The following DOK7 variants were observed in gnomAD, a reference collection of about 807,000 sequenced individuals.
DOK7 encodes the protein protein Dok-7.
In DOK7, 32 loss-of-function variants were observed where a neutral mutation model predicts 30.7. The ratio of observed to expected loss-of-function variants is 1.04; its 90% confidence interval spans 0.79 to 1.40. The LOEUF (loss-of-function observed/expected upper bound fraction) is 1.40, where lower values mean the gene tolerates loss of function less well. Among genes scored for constraint, DOK7 ranks in the 40% most tolerant of loss-of-function variants. The pLI is 0.00. For synonymous variants in DOK7, 447 were observed against 324.1 expected (o/e 1.38, Z -4.07); for missense variants, 1,007 against 699.2 (o/e 1.44, Z -4.97).
In DOK7 at chr4:3,491,000, CCTT is replaced by C. The variant is rs531958353; in HGVS notation, c.772+1212_772+1214del. ...TTTCCCTCCTGCTCATTCATTCCTT[CCTT>C]CTTCTTCCTGCTCATTCATTCCTTC... is the stretch of plus-strand genomic sequence containing the variant. On this transcript the variant is annotated intron_variant, in intron 6 of 6. Coordinates refer to ENST00000340083, the MANE Select transcript of DOK7 (RefSeq NM_173660.5). 5.1e-3 allele frequency among the ~76,000 whole-genome samples: 477 copies of C among 94,134 alleles called. 6 individuals are homozygous for C. The highest frequency in any genetic ancestry group is 0.014 in the African/African-American group (400 of 27,602). The allele number at this position is 94,134 out of a possible 152,430, so 61.8% of individuals were successfully genotyped here.
At chr4:3,478,496 A>AGGCTGACCCCACAGAACCTGCAAATGGG (rs1727245226) in intron 4 of DOK7, among the ~76,000 whole-genome samples, 3 of 139,902 alleles carry the variant, frequency 2.1e-5, no homozygotes, top group African/African-American at 8.2e-5. Context: ...CCTGCAAACC[A>AGGCTGACCCCACAGAACCTGCAAATGGG]GGCTGGCCCC....
At chr4:3,482,912 C>A (rs1215649633) in intron 4 of DOK7, among the ~76,000 whole-genome samples, 3 of 152,092 alleles carry the variant, frequency 2.0e-5, no homozygotes, top group Non-Finnish European at 4.4e-5. Flanking sequence ...GCAGGTGGGG[C>A]TGAACCCCAG....
Position 3,499,887 on chromosome 4 carries a change from C to T in DOK7, c.1109-364C>T, listed in dbSNP as rs539376878. On this transcript the variant is annotated intron_variant, in intron 6 of 7. Coordinates refer to the DOK7 transcript ENST00000643608. ...AGGTGCTGGGACAGCCAAGGAGGGG[C>T]GGTTGGTGGAGAGAGTTGGGAAGGT... 7.5e-5 allele frequency among the ~76,000 whole-genome samples: 11 copies of T among 146,896 alleles called. No individual in the cohort carries two copies. The South Asian group carries it at 1.5e-3, about 20-fold the overall frequency.
At chr4:3,496,463 C>T (rs757909751), downstream of DOK7, among the ~76,000 whole-genome samples, 6 of 152,242 alleles carry the variant, frequency 3.9e-5, no homozygotes, top group Admixed American at 1.3e-4. Flanking sequence ...CTTGCATGGG[C>T]GTGGTACTCC....
intron 2 of DOK7, among the ~76,000 whole-genome samples, chr4:3,468,318 CTGTG>C (rs752305267): frequency 1.5e-5 from 2 of 137,716 alleles, no homozygotes; most frequent in African/African-American, 5.7e-5. Flanking sequence ...GTGTGAATAC[CTGTG>C]TGTGCGAGTG....
intron 5 of DOK7, among the ~76,000 whole-genome samples, chr4:3,487,388 GC>G (rs1268365027): frequency 6.6e-6 from 1 of 152,234 alleles, no homozygotes; most frequent in Non-Finnish European, 1.5e-5. Context: ...CCACAATAGA[GC>G]CCTGCGGGCG....
rs1458938692 is a variant in DOK7 at position 3,493,293 on chromosome 4, G to C, written c.1307G>C (p.Gly436Ala). Residue 436 changes from glycine to alanine, a missense_variant, in exon 7 of 7, where the codon GGC becomes GCC. Transcript: ENST00000340083. ...AACAGTGCGGCCAGGGACTCAGGCG[G>C]CCAGACGTCCGCCGGGTGTCCCTCT... ...PGNSAARDSGGQTSAGCPSGW... is the reference protein window; with the variant it reads ...PGNSAARDSGAQTSAGCPSGW... 1 of 1,608,178 alleles carries C rather than the reference G, an allele frequency of 6.2e-7. No individual in the cohort carries two copies. Among genetic ancestry groups the C allele is most frequent in the Non-Finnish European group, 8.5e-7 (1 of 1,177,908 alleles).
At chr4:3,486,755 A>G (rs1169014576) in intron 5 of DOK7, among the ~76,000 whole-genome samples, 1 of 145,958 alleles carries the variant, frequency 6.9e-6, no homozygotes, top group Non-Finnish European at 1.5e-5. Flanking sequence ...CTTCCTGCCT[A>G]GCGGCTGCAG....
rs2109418322 is a variant in DOK7 at position 3,493,016 on chromosome 4, A to G, written c.1030A>G (p.Ser344Gly). The change falls in exon 7 of 7, where the codon AGC becomes GGC. Residue 344 changes from serine to glycine, a missense_variant. Transcript: ENST00000340083. ...CTCGGACAGCGGCATCGCCACTGGC[A>G]GCCACTCCTCTTACTCCAGCAGCCT... ...SSSDSGIATG[S>G]HSSYSSSLSS... is the part of the protein sequence containing the mutation. The G allele has an allele frequency of 1.9e-6, 3 of 1,567,468 alleles. No homozygotes were observed. Among genetic ancestry groups the G allele is most frequent in the Non-Finnish European group, 2.6e-6 (3 of 1,161,356 alleles).
In DOK7 at chr4:3,463,359, C is replaced by T; in HGVS notation, c.-17C>T. On this transcript the variant is annotated 5_prime_UTR_variant, in exon 1 of 7. Transcript: ENST00000340083. The stretch of plus-strand genomic sequence containing the variant: ...GGGCGCCGGGGCGAGCGCGGCGGCG[C>T]GGAACCATGACAGAAGATGACCGAG... 6.8e-7 allele frequency: 1 copy of T among 1,462,546 alleles called. No individual in the cohort carries two copies. Among genetic ancestry groups the T allele is most frequent in the African/African-American group, 1.5e-5 (1 of 67,256 alleles). 90.6% of individuals were successfully genotyped at this position (1,462,546 alleles called of 1,614,324 possible). A position where few individuals can be genotyped will look rare whatever the true frequency, so the allele number is the denominator to read the frequency against.
intron 6 of DOK7, among the ~76,000 whole-genome samples, chr4:3,490,816 C>T (rs2464043): frequency 0.14 from 7,832 of 57,548 alleles, 573 homozygotes; most frequent in Admixed American, 0.25. Flanking sequence ...CCCGCTCATT[C>T]ATTCCTGCCT....
Position 3,494,049 on chromosome 4 carries a change from G to A in DOK7, c.*548G>A. On this transcript the variant is annotated 3_prime_UTR_variant, in exon 7 of 7. Coordinates refer to ENST00000340083, the MANE Select transcript of DOK7 (RefSeq NM_173660.5). The stretch of plus-strand genomic sequence containing the variant: ...TCCCCATCTATGGGAGGAAACTGAA[G>A]CTCAGGAGGCTGTGTGGCTTGCGGG... The A allele has an allele frequency of 2.0e-6, 2 of 987,668 alleles. No individual in the cohort carries two copies. The highest frequency in any genetic ancestry group is 2.4e-6 in the Non-Finnish European group (2 of 831,578). The allele number at this position is 987,668 out of a possible 1,614,324, so 61.2% of individuals were successfully genotyped here.
At chr4:3,490,184 CCCCACTCATTCCTT>C in intron 6 of DOK7, among the ~76,000 whole-genome samples, 1 of 86,924 alleles carries the variant, frequency 1.2e-5, no homozygotes, top group African/African-American at 5.6e-5. Context: ...CCTCCGCCCC[CCCCACTCATTCCTT>C]CCCCCCTCAT....
At chr4:3,484,522 G>A (rs983691703) in intron 4 of DOK7, 89 of 985,414 alleles carry the variant, frequency 9.0e-5, no homozygotes, top group Non-Finnish European at 1.0e-4. Flanking sequence ...TGTCCAGCCG[G>A]GTGCAGCCAG....
downstream of DOK7, chr4:3,494,507 A>G: frequency 1.0e-6 from 1 of 985,578 alleles, no homozygotes; most frequent in Non-Finnish European, 1.2e-6. Flanking sequence ...TCCGTTGCCC[A>G]GCCCTCTCCG....
At chr4:3,495,106 G>A (rs35369905), downstream of DOK7, among the ~76,000 whole-genome samples, 18,838 of 152,114 alleles carry the variant, frequency 0.12, 1,266 homozygotes, top group African/African-American at 0.14. Context: ...TACAAGCCCC[G>A]CCCCTCTCTG....
chr4:3,482,059 C>T (rs1238872262), intron 4 of DOK7, among the ~76,000 whole-genome samples: 1 of 152,148 alleles, frequency 6.6e-6, no homozygotes, highest in African/African-American at 2.4e-5. Context: ...GCTCTTTCCT[C>T]TTACCCTCAC....
chr4:3,480,772 GC>G (rs1420601735), intron 4 of DOK7, among the ~76,000 whole-genome samples: 5 of 152,230 alleles, frequency 3.3e-5, no homozygotes, highest in African/African-American at 4.8e-5. Context: ...CTGTCAGGCA[GC>G]AGGGAGCGCC....
rs548590565 is a variant in DOK7 at position 3,482,331 on chromosome 4, G to A, written c.533-3208G>A. On this transcript the variant is annotated intron_variant, in intron 4 of 6. Transcript: ENST00000340083. ...GCTGCCTGGGGTCCCTCGGGCAGTG[G>A]CATTTGGCTATGGTGGGGCCCAAAG... Among the ~76,000 whole-genome samples, 7 of 152,342 alleles carry A rather than the reference G, an allele frequency of 4.6e-5. No individual in the cohort carries two copies. In the South Asian group the frequency reaches 1.4e-3, roughly 32 times the overall value.
Sources: gnomAD v4.1 joint callset for allele counts (sites outside exome capture counted in the v4.1 genomes callset) on GRCh38, gnomAD v4.1.1 for gene constraint, MANE v1.5 for transcripts, NCBI Gene and HGNC (gene_info 2026-07-23, HGNC 2026-07-21) for gene names.